ALDH1L1: variants seen among roughly 807,000 people sequenced by gnomAD.
The protein encoded by ALDH1L1 is aldehyde dehydrogenase 1 family member L1.
ALDH1L1 carries 68 observed loss-of-function variants against 101.1 expected under a neutral mutation model. That is an observed-to-expected ratio of 0.67 (90% CI 0.55 to 0.82). The LOEUF is 0.82. Among genes scored for constraint, ALDH1L1 ranks in the 40% least tolerant of loss-of-function variants. The pLI, the probability that ALDH1L1 is intolerant of heterozygous loss-of-function variation, is 0.00. For synonymous variants in ALDH1L1, 486 were observed against 470.8 expected, an observed-to-expected ratio of 1.03 and a Z score of -0.42; for missense variants, 1,087 against 1,172.7, an observed-to-expected ratio of 0.93 and a Z score of 1.07.
chr3:126,127,562 G>A (rs3772418), intron 14 of ALDH1L1, among the ~76,000 whole-genome samples: 96,163 of 151,934 alleles, frequency 0.63, 30,516 homozygotes, highest in Middle Eastern at 0.72. Flanking sequence ...GTTTCTTGGT[G>A]TCCCCAAGAA....
chr3:126,174,217 T>C (rs2081333523), intron 1 of ALDH1L1, among the ~76,000 whole-genome samples: 1 of 152,184 alleles, frequency 6.6e-6, no homozygotes. Flanking sequence ...TTTGTATTTT[T>C]AGTAGAGCCT....
At chr3:126,150,169 AGC>A (rs1310224666) in intron 8 of ALDH1L1, among the ~76,000 whole-genome samples, 4 of 152,226 alleles carry the variant, frequency 2.6e-5, no homozygotes, top group Admixed American at 6.5e-5. Flanking sequence ...GTTGACAATG[AGC>A]CCCTAGAAGA....
intron 1 of ALDH1L1, among the ~76,000 whole-genome samples, chr3:126,175,600 G>A (rs527543379): frequency 6.6e-6 from 1 of 152,144 alleles, no homozygotes; most frequent in South Asian, 2.1e-4. Flanking sequence ...AGAATTATAT[G>A]ATCACATCAA....
At position 126,157,442 on chromosome 3, in the gene ALDH1L1, G is replaced by A. The variant is rs138630452; in HGVS notation, c.429C>T (p.Thr143=). 14 of 1,613,996 alleles carry A rather than the reference G, an allele frequency of 8.7e-6. No individual in the cohort carries two copies. In the South Asian group the frequency reaches 9.9e-5, roughly 11 times the overall value. ...SIFWADDGLD[T]GDLLLQKECE... is the part of the protein sequence containing the mutation. ...ACTCCTTCTGCAGCAGCAGGTCTCC[G>A]GTGTCCAGACCATCATCCGCCCAGA... The change falls in exon 4 of 23, where the codon ACC becomes ACT. Residue 143 remains threonine (T), a synonymous_variant. Transcript: ENST00000393434.
At chr3:126,153,229 C>T in intron 7 of ALDH1L1, 1 of 688,266 alleles carries the variant, frequency 1.5e-6, no homozygotes, top group South Asian at 1.8e-5. Flanking sequence ...GGGAGCCCAG[C>T]TTTCCCAGAA....
At position 126,150,416 on chromosome 3, in the gene ALDH1L1, T is replaced by A; in HGVS notation, c.974A>T (p.Glu325Val). Residue 325 changes from glutamate (E) to valine (V), a missense_variant, in exon 8 of 23, where the codon GAG becomes GTG. Physicochemically the swap from Glu to Val is moderately radical, Grantham distance 121 (BLOSUM62 -2). This residue lies in a region of ALDH1L1 where 645 missense variants were observed against 637.0 expected (regional missense o/e 1.01). Transcript: ENST00000393434. ...GAAGTTGCCTCTTACCCGCACAGCC[T>A]CCGCAGTAACCAGCTCTGCCTCTGT... ...ELTEAELVTA[E>V]AVRSVWQRIL... is the part of the protein sequence containing the mutation. 1 of 1,551,326 alleles carries A rather than the reference T, an allele frequency of 6.4e-7. No individual in the cohort carries two copies. The highest frequency in any genetic ancestry group is 8.7e-7 in the Non-Finnish European group (1 of 1,146,844).
At chr3:126,173,453 T>C (rs2081318450) in intron 1 of ALDH1L1, among the ~76,000 whole-genome samples, 1 of 151,588 alleles carries the variant, frequency 6.6e-6, no homozygotes, top group South Asian at 2.1e-4. Flanking sequence ...AACAAAAAAG[T>C]AAAACTGATA....
intron 2 of ALDH1L1, 22 bp downstream of exon 2, chr3:126,160,831 C>T: frequency 6.2e-7 from 1 of 1,612,054 alleles, no homozygotes; most frequent in Non-Finnish European, 8.5e-7. Flanking sequence ...CATCAGCTTC[C>T]CTGCTCCATT....
rs190201978 is a variant in ALDH1L1, at chr3:126,105,631, C to G, written c.2653+95G>C. ...CAGCCATCATGTTCAAGGCTACGTC[C>G]CTGCATCTGAGATAGGACCTGGCCC... is the stretch of plus-strand genomic sequence containing the variant. On this transcript the variant is annotated intron_variant, in intron 22 of 22. Coordinates refer to ENST00000393434, the MANE Select transcript of ALDH1L1 (RefSeq NM_012190.4). The G allele has an allele frequency of 3.7e-4, 522 of 1,398,250 alleles. No individual in the cohort carries two copies. In the African/African-American group the frequency reaches 4.3e-3, roughly 11 times the overall value. 86.6% of individuals were successfully genotyped at this position (1,398,250 alleles called of 1,614,324 possible). A position where few individuals can be genotyped will look rare whatever the true frequency, so the allele number is the denominator to read the frequency against.
intron 20 of ALDH1L1, 121 bp downstream of exon 20, chr3:126,109,823 G>T (rs182288944): frequency 3.2e-5 from 45 of 1,406,552 alleles, no homozygotes; most frequent in Non-Finnish European, 4.0e-5. Flanking sequence ...AGATGGGGCT[G>T]CAGCCTGACT....
At chr3:126,164,201 A>G (rs1346678048) in intron 1 of ALDH1L1, among the ~76,000 whole-genome samples, 1 of 152,114 alleles carries the variant, frequency 6.6e-6, no homozygotes, top group Admixed American at 6.5e-5. Flanking sequence ...AAGAAAAGAA[A>G]TATTGATGTG....
intron 6 of ALDH1L1, 144 bp downstream of exon 6, chr3:126,154,410 G>A: frequency 1.3e-6 from 1 of 790,674 alleles, no homozygotes; most frequent in Admixed American, 2.2e-5. Flanking sequence ...GGAAAGGCTG[G>A]GATGTTTAGG....
At position 126,109,977 on chromosome 3, in the gene ALDH1L1, G is replaced by C; in HGVS notation, c.2314C>G (p.Leu772Val). 6.2e-7 allele frequency: 1 copy of C among 1,614,196 alleles called. No individual in the cohort carries two copies. Among genetic ancestry groups the C allele is most frequent in the Non-Finnish European group, 8.5e-7 (1 of 1,180,038 alleles). ...GGGACCTGATTCCCGCCGCAGACCA[G>C]TGTGGCCCCTTCCTTCACGCCATGC... is the stretch of plus-strand genomic sequence containing the variant. ...CQHGVKEGATLVCGGNQVPRP... is the reference protein window; with the variant it reads ...CQHGVKEGATVVCGGNQVPRP... The change falls in exon 20 of 23, where the codon CTG (leucine) becomes GTG (valine). Residue 772 changes from leucine to valine, a missense_variant. Physicochemically the swap from Leu to Val is conservative, Grantham distance 32. Coordinates refer to ENST00000393434, the MANE Select transcript of ALDH1L1 (RefSeq NM_012190.4).
intron 17 of ALDH1L1, among the ~76,000 whole-genome samples, chr3:126,115,973 A>G (rs544157230): frequency 6.6e-6 from 1 of 151,408 alleles, no homozygotes; most frequent in East Asian, 2.0e-4. Context: ...TCCGGATTCA[A>G]GCGATTCTCC....
chr3:126,175,751 A>C (rs892751523), intron 1 of ALDH1L1, among the ~76,000 whole-genome samples: 3 of 152,184 alleles, frequency 2.0e-5, no homozygotes, highest in African/African-American at 4.8e-5. Flanking sequence ...TAATGGAGAG[A>C]AACTAGAAGC....
chr3:126,126,810 G>C (rs1201169698), intron 14 of ALDH1L1, among the ~76,000 whole-genome samples: 1 of 152,230 alleles, frequency 6.6e-6, no homozygotes, highest in Non-Finnish European at 1.5e-5. Context: ...TTGGAGACCA[G>C]ATTGCTGTGT....
chr3:126,193,488 G>T (rs2081565085), intron 1 of ALDH1L1, among the ~76,000 whole-genome samples: 1 of 152,116 alleles, frequency 6.6e-6, no homozygotes, highest in Non-Finnish European at 1.5e-5. Flanking sequence ...ACTTAAGTGA[G>T]AGTGTAACCA....
At chr3:126,185,479 T>C (rs1047111056), upstream of ALDH1L1, among the ~76,000 whole-genome samples, 6 of 152,356 alleles carry the variant, frequency 3.9e-5, 1 homozygote, top group Admixed American at 3.9e-4. Flanking sequence ...GTCTGGGTAC[T>C]TCAGGCTTCA....
At chr3:126,114,777 G>C in intron 17 of ALDH1L1, 121 bp from the exon 18 acceptor site, 1 of 910,402 alleles carries the variant, frequency 1.1e-6, no homozygotes. Flanking sequence ...GCAAGACCCG[G>C]CCAGTGCCTC....
Sources: allele counts gnomAD v4.1 joint callset (sites outside exome capture counted in the v4.1 genomes callset), GRCh38; gene constraint gnomAD v4.1.1; regional missense constraint gnomAD v4.1.1; transcripts MANE v1.5; gene names NCBI Gene and HGNC (gene_info 2026-07-23, HGNC 2026-07-21).